Variants in GPC6 observed in about 807,000 individuals in gnomAD.
GPC6 encodes glypican-6.
A neutral mutation model predicts 55.2 loss-of-function variants in GPC6; 14 were observed. The ratio of observed to expected loss-of-function variants is 0.25; its 90% CI spans 0.17 to 0.40. GPC6 has a LOEUF of 0.40. Ranked by LOEUF, GPC6 falls within the 10% of genes least tolerant of loss-of-function variation. The pLI is 1.00. For missense variants in GPC6, 641 were observed against 708.5 expected, an observed-to-expected ratio of 0.90 and a Z score of 1.08; for synonymous variants, 278 against 259.6, an observed-to-expected ratio of 1.07 and a Z score of -0.68.
At chr13:93,231,369 A>ATATG (rs1876024153) in intron 1 of GPC6, among the ~76,000 whole-genome samples, 2 of 17,896 alleles carry the variant, frequency 1.1e-4, no homozygotes, top group African/African-American at 6.2e-4. Flanking sequence ...ACGTATATAT[A>ATATG]TATATATATA....
At chr13:93,705,657 G>A (rs4773755) in intron 2 of GPC6, among the ~76,000 whole-genome samples, 120,269 of 151,472 alleles carry the variant, frequency 0.79, 49,153 homozygotes, top group Non-Finnish European at 0.91. Context: ...ATGGATATTG[G>A]GGATCAAAAC....
intron 3 of GPC6, among the ~76,000 whole-genome samples, chr13:93,971,886 C>A (rs1880297105): frequency 6.6e-6 from 1 of 152,178 alleles, no homozygotes; most frequent in Non-Finnish European, 1.5e-5. Flanking sequence ...AATTTCTTAT[C>A]TTTGATTTTG....
chr13:93,298,663 G>C (rs1280126159), intron 1 of GPC6, among the ~76,000 whole-genome samples: 2 of 150,786 alleles, frequency 1.3e-5, no homozygotes, highest in Non-Finnish European at 3.0e-5. Context: ...TCCTAGGCTA[G>C]TCTCAAATTC....
chr13:93,848,601 G>C (rs962451974), intron 3 of GPC6, among the ~76,000 whole-genome samples: 1 of 151,934 alleles, frequency 6.6e-6, no homozygotes, highest in African/African-American at 2.4e-5. Flanking sequence ...TTAAAAATCT[G>C]GGGTATTTAC....
intron 3 of GPC6, among the ~76,000 whole-genome samples, chr13:94,017,083 TTG>T (rs1377365041): frequency 6.6e-6 from 1 of 152,296 alleles, no homozygotes; most frequent in East Asian, 1.9e-4. Flanking sequence ...TCCACCCGCC[TTG>T]GCCTCCCAAA....
intron 2 of GPC6, among the ~76,000 whole-genome samples, chr13:93,804,217 C>G (rs1041715192): frequency 8.5e-5 from 13 of 152,120 alleles, no homozygotes; most frequent in African/African-American, 3.1e-4. Flanking sequence ...TAATGTTATA[C>G]CAATTAAGCC....
rs140919157 is a variant in GPC6, at chr13:94,232,528, GT to G, written c.878-53813del. 2.5e-3 allele frequency among the ~76,000 whole-genome samples: 375 copies of G among 150,708 alleles called. 11 individuals carry two copies. The East Asian group carries it at 0.061, about 24-fold the overall frequency. Reference sequence around the variant, plus strand: ...GCAATTGCCCCCCTTCAGGAGGTGGGTTTTTTTTGGGGGGGTGGGGCAGGGT... The same window carrying G: ...GCAATTGCCCCCCTTCAGGAGGTGGGTTTTTTTGGGGGGGTGGGGCAGGGT... On this transcript the variant is annotated intron_variant, in intron 4 of 8. Transcript: ENST00000377047.
At chr13:93,561,654 G>A (rs1289100977) in intron 2 of GPC6, among the ~76,000 whole-genome samples, 2 of 151,884 alleles carry the variant, frequency 1.3e-5, no homozygotes, top group Non-Finnish European at 2.9e-5. Flanking sequence ...GTCATGCTGG[G>A]TGCTCATTGA....
chr13:94,319,750 G>A (rs886791795), intron 6 of GPC6, among the ~76,000 whole-genome samples: 2 of 152,140 alleles, frequency 1.3e-5, no homozygotes, highest in African/African-American at 4.8e-5. Context: ...TGAGAAGTTT[G>A]CTATCAGTTC....
At chr13:94,141,660 C>A (rs961949490) in intron 4 of GPC6, among the ~76,000 whole-genome samples, 1 of 152,084 alleles carries the variant, frequency 6.6e-6, no homozygotes, top group Non-Finnish European at 1.5e-5. Flanking sequence ...TTACAAATAT[C>A]TAGTTAATAA....
At chr13:94,126,608 A>G (rs1199850542) in intron 4 of GPC6, among the ~76,000 whole-genome samples, 1 of 152,154 alleles carries the variant, frequency 6.6e-6, no homozygotes, top group African/African-American at 2.4e-5. Context: ...CTAGGCATTT[A>G]ATGTCATCTT....
chr13:94,310,003 T>A (rs961886752), intron 6 of GPC6, among the ~76,000 whole-genome samples: 11 of 152,226 alleles, frequency 7.2e-5, no homozygotes, highest in African/African-American at 2.7e-4. Flanking sequence ...TATAATTTTT[T>A]AAAAGACGGT....
At position 93,435,426 on chromosome 13, in the gene GPC6, G is replaced by A. The variant is rs1877534712; in HGVS notation, c.161-109837G>A. ...TCACCATGCCTGGCCTTGGTTACTT[G>A]CTTATACATGTTCTTCATATGTCAC... On this transcript the variant is annotated intron_variant, in intron 1 of 8. Transcript: ENST00000377047. Among the ~76,000 whole-genome samples, 6 of 151,808 alleles carry A rather than the reference G, an allele frequency of 4.0e-5. 1 individual carries two copies. In the South Asian group the frequency reaches 1.3e-3, roughly 32 times the overall value.
At chr13:94,009,805 A>G (rs750484413) in intron 3 of GPC6, among the ~76,000 whole-genome samples, 1 of 152,150 alleles carries the variant, frequency 6.6e-6, no homozygotes, top group Non-Finnish European at 1.5e-5. Context: ...ACGTTTAATG[A>G]AGTTTGATAT....
chr13:93,621,206 GA>G, intron 2 of GPC6, among the ~76,000 whole-genome samples: 1 of 152,274 alleles, frequency 6.6e-6, no homozygotes, highest in Admixed American at 6.5e-5. Context: ...CTCAGAAAGG[GA>G]AAAGAGCAAT....
intron 2 of GPC6, among the ~76,000 whole-genome samples, chr13:93,807,619 T>C (rs1886579139): frequency 6.6e-6 from 1 of 152,172 alleles, no homozygotes; most frequent in African/African-American, 2.4e-5. Context: ...GGAACACACT[T>C]TGAGAGCCAC....
rs550966325 is a variant in GPC6, at chr13:93,520,059, A to G, written c.161-25204A>G. ...TTCATCATAGATTTTACTAAACTTCAGCATATAAACTTGTGATGAATGATT... is the reference window on the plus strand; with the variant it reads ...TTCATCATAGATTTTACTAAACTTCGGCATATAAACTTGTGATGAATGATT... On this transcript the variant is annotated intron_variant, in intron 1 of 8. Coordinates refer to ENST00000377047, the MANE Select transcript of GPC6 (RefSeq NM_005708.5). Among the ~76,000 whole-genome samples the G allele has an allele frequency of 3.3e-5, 5 of 152,104 alleles. No individual in the cohort carries two copies. The East Asian group carries it at 9.7e-4, about 29-fold the overall frequency.
chr13:93,385,134 G>C (rs1875342056), intron 1 of GPC6, among the ~76,000 whole-genome samples: 1 of 152,228 alleles, frequency 6.6e-6, no homozygotes, highest in African/African-American at 2.4e-5. Flanking sequence ...CCTAGGCTGG[G>C]AAACCATGAA....
chr13:93,285,638 G>GTGTGTGTGTGTT (rs1555287700), intron 1 of GPC6, among the ~76,000 whole-genome samples: 2 of 150,672 alleles, frequency 1.3e-5, no homozygotes, highest in Non-Finnish European at 3.0e-5. Context: ...GTGTGTGTGT[G>GTGTGTGTGTGTT]TGTGTGTGTG....
Sources: allele counts gnomAD v4.1 joint callset (sites outside exome capture counted in the v4.1 genomes callset), GRCh38; gene constraint gnomAD v4.1.1; transcripts MANE v1.5; gene names NCBI Gene and HGNC (gene_info 2026-07-23, HGNC 2026-07-21).